EYS: variants seen among roughly 807,000 people sequenced by gnomAD.
EYS encodes the protein protein eyes shut homolog.
EYS carries 250 observed loss-of-function variants against 282.1 expected under a neutral mutation model. The ratio of observed to expected loss-of-function variants is 0.89; its 90% CI spans 0.80 to 0.98. The LOEUF (loss-of-function observed/expected upper bound fraction) is 0.98. EYS is among the 50% of genes least tolerant of loss of function. The pLI, the probability that EYS is intolerant of heterozygous loss-of-function variation, is 0.00. For missense variants in EYS, 4,016 were observed against 3,709.0 expected, an observed-to-expected ratio of 1.08 and a Z score of -2.15; for synonymous variants, 1,355 against 1,282.9, an observed-to-expected ratio of 1.06 and a Z score of -1.20.
chr6:64,864,133 TGAC>T (rs1166883154), intron 19 of EYS, among the ~76,000 whole-genome samples: 2 of 152,220 alleles, frequency 1.3e-5, no homozygotes, highest in African/African-American at 4.8e-5. Flanking sequence ...GTAAGTCCAA[TGAC>T]TGATTATCAA....
At chr6:65,284,064 C>T (rs1273564408) in intron 12 of EYS, among the ~76,000 whole-genome samples, 1 of 152,096 alleles carries the variant, frequency 6.6e-6, no homozygotes, top group Non-Finnish European at 1.5e-5. Flanking sequence ...TTGAAAGATT[C>T]TGGAGCGATT....
intron 12 of EYS, among the ~76,000 whole-genome samples, chr6:65,144,529 C>G (rs778634509): frequency 2.0e-5 from 3 of 152,072 alleles, no homozygotes; most frequent in African/African-American, 4.8e-5. Flanking sequence ...GGTTCTTGAT[C>G]CAAATAATTT....
chr6:65,148,284 A>G (rs540722067), intron 12 of EYS, among the ~76,000 whole-genome samples: 1 of 152,230 alleles, frequency 6.6e-6, no homozygotes, highest in Non-Finnish European at 1.5e-5. Context: ...TCCTTGGTAC[A>G]ATGGGGGTAC....
At chr6:64,596,119 G>A (rs926535904) in intron 24 of EYS, among the ~76,000 whole-genome samples, 1 of 152,058 alleles carries the variant, frequency 6.6e-6, no homozygotes, top group African/African-American at 2.4e-5. Flanking sequence ...AAAATAACCA[G>A]ATCTCACAGG....
At position 64,896,549 on chromosome 6, in the gene EYS, T is replaced by G. The variant is rs566217900; in HGVS notation, c.2846+5564A>C. Among the ~76,000 whole-genome samples the G allele has an allele frequency of 4.6e-3, 693 of 150,354 alleles. 6 individuals are homozygous for G. The Middle Eastern group carries it at 0.054, about 12-fold the overall frequency. On this transcript the variant is annotated intron_variant, in intron 18 of 42. Transcript: ENST00000503581. ...GAGCTAGCTGCAGGAGTTGTTGTTT[T>G]TTTTTTTTTTTTTTCGTATCCCAGT... is the stretch of plus-strand genomic sequence containing the variant.
At chr6:65,126,947 T>A (rs532710375) in intron 12 of EYS, among the ~76,000 whole-genome samples, 13 of 152,156 alleles carry the variant, frequency 8.5e-5, no homozygotes, top group Non-Finnish European at 1.5e-5. Context: ...GTGGTAAGAG[T>A]GTGAATTGTG....
At chr6:63,894,646 A>G (rs1293302938) in intron 35 of EYS, among the ~76,000 whole-genome samples, 1 of 151,830 alleles carries the variant, frequency 6.6e-6, no homozygotes, top group Admixed American at 6.6e-5. Context: ...CAGTGGCACA[A>G]TCTCTGCTCA....
chr6:65,252,818 T>C (rs541742231), intron 12 of EYS, among the ~76,000 whole-genome samples: 9 of 152,070 alleles, frequency 5.9e-5, no homozygotes, highest in African/African-American at 2.2e-4. Flanking sequence ...ATAACTGAAG[T>C]GAAAGTTTTC....
intron 33 of EYS, among the ~76,000 whole-genome samples, chr6:64,056,947 T>C (rs577561437): frequency 6.6e-6 from 1 of 152,192 alleles, no homozygotes; most frequent in African/African-American, 2.4e-5. Flanking sequence ...CAGGATGGAG[T>C]TCTGATATTA....
intron 1 of EYS, among the ~76,000 whole-genome samples, chr6:65,695,913 T>C (rs978693022): frequency 6.6e-6 from 1 of 151,894 alleles, no homozygotes; most frequent in Non-Finnish European, 1.5e-5. Context: ...TGTTAAGAAA[T>C]GACAAGTTAA....
intron 18 of EYS, among the ~76,000 whole-genome samples, chr6:64,898,317 G>T (rs1767541676): frequency 6.6e-6 from 1 of 152,076 alleles, no homozygotes; most frequent in African/African-American, 2.4e-5. Context: ...TTAAAGAAAA[G>T]AATTTTCAAC....
intron 24 of EYS, among the ~76,000 whole-genome samples, chr6:64,616,525 A>T (rs1361613310): frequency 6.6e-6 from 1 of 152,118 alleles, no homozygotes; most frequent in Admixed American, 6.6e-5. Flanking sequence ...TGATTTTTCA[A>T]AATCTTGTGT....
chr6:64,129,662 T>C (rs1165419170), intron 31 of EYS, among the ~76,000 whole-genome samples: 1 of 152,220 alleles, frequency 6.6e-6, no homozygotes, highest in East Asian at 1.9e-4. Context: ...ATTTTGGCTT[T>C]TGTTGCCATT....
intron 26 of EYS, among the ~76,000 whole-genome samples, chr6:64,523,122 T>C (rs78867859): frequency 1.3e-5 from 2 of 151,648 alleles, no homozygotes; most frequent in East Asian, 3.9e-4. Context: ...AGCTTACAAC[T>C]AAATCCTCTT....
At position 64,388,849 on chromosome 6, in the gene EYS, A is replaced by G; in HGVS notation, c.5928-9T>C. 2 of 1,478,982 alleles carry G rather than the reference A, an allele frequency of 1.4e-6. No homozygotes were observed. Among genetic ancestry groups the G allele is most frequent in the Non-Finnish European group, 1.8e-6 (2 of 1,114,322 alleles). 91.6% of individuals were successfully genotyped at this position (1,478,982 alleles called of 1,614,324 possible). A position where few individuals can be genotyped will look rare whatever the true frequency, so the allele number is the denominator to read the frequency against. ...ATGGATCCAATTCTTGCCTGTAACC[A>G]TTTAAGAAAGAAATGGTTTTAGTAT... On this transcript the variant is annotated splice_polypyrimidine_tract_variant and intron_variant, in intron 28 of 42. Transcript: ENST00000503581.
chr6:64,451,181 C>A lies in EYS; in HGVS notation c.5645-11829G>T, dbSNP rs1166327648. 2.6e-5 allele frequency among the ~76,000 whole-genome samples: 4 copies of A among 152,158 alleles called. No individual in the cohort carries two copies. The South Asian group carries it at 8.3e-4, about 32-fold the overall frequency. On this transcript the variant is annotated intron_variant, in intron 26 of 42. Coordinates refer to ENST00000503581, the MANE Select transcript of EYS (RefSeq NM_001142800.2). ...TAAAAAAATGACAAAGGGGATATCA[C>A]CACTGATCCCACAGAAATACAAACT...
chr6:64,086,790 GA>G (rs1403246939), intron 31 of EYS, among the ~76,000 whole-genome samples: 1 of 152,136 alleles, frequency 6.6e-6, no homozygotes, highest in Non-Finnish European at 1.5e-5. Context: ...TTAATTAGTA[GA>G]AATAGAATGT....
chr6:64,949,585 T>A (rs1164777573), intron 14 of EYS, among the ~76,000 whole-genome samples: 31 of 151,920 alleles, frequency 2.0e-4, no homozygotes, highest in Admixed American at 2.0e-3. Context: ...ACATGTTTGA[T>A]TAAATAAAAG....
In EYS at chr6:64,066,287, G is replaced by T; in HGVS notation, c.6725+51C>A. The T allele has an allele frequency of 2.0e-6, 3 of 1,495,710 alleles. No homozygotes were observed. The South Asian group carries it at 3.8e-5, about 19-fold the overall frequency. 92.7% of individuals were successfully genotyped at this position (1,495,710 alleles called of 1,614,324 possible). On this transcript the variant is annotated intron_variant, in intron 33 of 42. Transcript: ENST00000503581. Reference sequence around the variant, plus strand: ...AGCAAGACTCCATCTCAAAACAAACGAACAAACAAAATTTCAGCACGAAAG... The same window carrying T: ...AGCAAGACTCCATCTCAAAACAAACTAACAAACAAAATTTCAGCACGAAAG...
Sources: allele counts gnomAD v4.1 joint callset (sites outside exome capture counted in the v4.1 genomes callset), GRCh38; gene constraint gnomAD v4.1.1; transcripts MANE v1.5; gene names NCBI Gene and HGNC (gene_info 2026-07-23, HGNC 2026-07-21).